The following IRAK1BP1 variants were observed in gnomAD, a reference collection of about 807,000 sequenced individuals.
IRAK1BP1 encodes the protein interleukin-1 receptor-associated kinase 1-binding protein 1.
IRAK1BP1 carries 24 observed loss-of-function variants against 28.0 expected under a neutral mutation model. The ratio of observed to expected loss-of-function variants is 0.86; its 90% CI spans 0.62 to 1.20. The LOEUF (loss-of-function observed/expected upper bound fraction) is 1.20. Among genes scored for constraint, IRAK1BP1 ranks in the 50% most tolerant of loss-of-function variants. IRAK1BP1 has a pLI of 0.00. For missense variants in IRAK1BP1, 336 were observed against 316.7 expected (o/e 1.06, Z -0.46); for synonymous variants, 131 against 116.3 (o/e 1.13, Z -0.81).
At chr6:78,903,135 A>G, downstream of IRAK1BP1, 1 of 1,185,458 alleles carries the variant, frequency 8.4e-7, no homozygotes, top group Non-Finnish European at 1.2e-6. Flanking sequence ...TATAAGAGTG[A>G]GAAAAAGAAG....
At chr6:78,875,790 G>A (rs1440342106) in intron 1 of IRAK1BP1, among the ~76,000 whole-genome samples, 1 of 152,078 alleles carries the variant, frequency 6.6e-6, no homozygotes, top group Non-Finnish European at 1.5e-5. Context: ...AACGGGATCA[G>A]TTGTACCCCA....
chr6:78,945,476 T>C, exon 5 of IRAK1BP1: 1 of 1,607,828 alleles, frequency 6.2e-7, no homozygotes, highest in Non-Finnish European at 8.5e-7. Context: ...AGCTTTGGAA[T>C]GTTTCACAGA....
At chr6:78,961,135 T>C in the IRAK1BP1 span, among the ~76,000 whole-genome samples, 4 of 152,206 alleles carry the variant, frequency 2.6e-5, no homozygotes, top group African/African-American at 9.6e-5. Context: ...ACCTAGATAA[T>C]GCAAATTAAT....
At chr6:78,888,667 G>T (rs1244025359) in intron 2 of IRAK1BP1, among the ~76,000 whole-genome samples, 1 of 151,780 alleles carries the variant, frequency 6.6e-6, no homozygotes, top group Admixed American at 6.6e-5. Flanking sequence ...ACAGGCACCT[G>T]GCTAATTTTT....
the IRAK1BP1 span, chr6:78,970,309 A>G: frequency 1.5e-6 from 1 of 669,076 alleles, no homozygotes; most frequent in Non-Finnish European, 2.5e-6. Flanking sequence ...GTAAAAATTC[A>G]CTGAGCTCTG....
the IRAK1BP1 span, chr6:78,969,790 A>T: frequency 1.1e-6 from 1 of 932,184 alleles, no homozygotes; most frequent in Non-Finnish European, 1.6e-6. Flanking sequence ...TACTAAGAAA[A>T]AAAAACCACA....
rs998497946 is a variant in IRAK1BP1, at chr6:78,867,775, C to G, written c.199C>G (p.Arg67Gly). The change falls in exon 1 of 4, where the codon CGG becomes GGG. Residue 67 changes from arginine to glycine, a missense_variant. Physicochemically the swap from Arg to Gly is moderately radical, Grantham distance 125. Coordinates refer to ENST00000369940, the MANE Select transcript of IRAK1BP1 (RefSeq NM_001010844.4). ...CTCAGAAGTGTCTGCGGGCCCTGAC[C>G]GGGCGCAGGTGGTGGTGCGAGTGAG... ...GTSEVSAGPDRAQVVVRVSST... is the reference protein window; with the variant it reads ...GTSEVSAGPDGAQVVVRVSST... The G allele has an allele frequency of 3.2e-5, 51 of 1,613,998 alleles. No individual in the cohort carries two copies. The highest frequency in any genetic ancestry group is 4.3e-5 in the Non-Finnish European group (51 of 1,179,964).
At chr6:78,894,742 A>G (rs760501385) in intron 2 of IRAK1BP1, among the ~76,000 whole-genome samples, 5 of 152,166 alleles carry the variant, frequency 3.3e-5, no homozygotes, top group Non-Finnish European at 7.4e-5. Context: ...AGAACACTCC[A>G]AAAACAGCAG....
chr6:78,874,318 G>A (rs1265173556), intron 1 of IRAK1BP1, among the ~76,000 whole-genome samples: 2 of 152,074 alleles, frequency 1.3e-5, no homozygotes, highest in Non-Finnish European at 2.9e-5. Context: ...AACCTATTAC[G>A]GCTTACCCTG....
chr6:78,955,236 C>T, the IRAK1BP1 span: 1 of 1,604,194 alleles, frequency 6.2e-7, no homozygotes, highest in Admixed American at 1.7e-5. Context: ...TATTACCTTC[C>T]TTTTTCGAGT....
chr6:78,910,245 C>T (rs540012348), intron 4 of IRAK1BP1, among the ~76,000 whole-genome samples: 2 of 152,124 alleles, frequency 1.3e-5, no homozygotes, highest in African/African-American at 4.8e-5. Context: ...CTAGGGAGGA[C>T]GGGCGAGGGC....
chr6:78,978,557 G>C, the IRAK1BP1 span: 1 of 1,531,738 alleles, frequency 6.5e-7, no homozygotes, highest in Admixed American at 1.8e-5. Flanking sequence ...AAAACTATGT[G>C]AGGAAAAATG....
At chr6:78,962,261 AAC>A in the IRAK1BP1 span, among the ~76,000 whole-genome samples, 2 of 152,272 alleles carry the variant, frequency 1.3e-5, no homozygotes, top group South Asian at 4.1e-4. Context: ...GAGAAAAGGA[AAC>A]AGACCCAGAA....
intron 2 of IRAK1BP1, among the ~76,000 whole-genome samples, chr6:78,890,547 A>G (rs1771611656): frequency 6.6e-6 from 1 of 152,194 alleles, no homozygotes; most frequent in Non-Finnish European, 1.5e-5. Context: ...GCCCAGCGCA[A>G]TGAACAACAA....
intron 4 of IRAK1BP1, among the ~76,000 whole-genome samples, chr6:78,919,122 G>A (rs1174309249): frequency 6.6e-6 from 1 of 152,042 alleles, no homozygotes; most frequent in Non-Finnish European, 1.5e-5. Context: ...CAAAATTAAA[G>A]CAGAAATTTA....
chr6:78,979,045 T>C, the IRAK1BP1 span, among the ~76,000 whole-genome samples: 658 of 152,266 alleles, frequency 4.3e-3, 2 homozygotes, highest in African/African-American at 0.014. Context: ...ACTTAAAGTA[T>C]ATAGGAGACT....
the IRAK1BP1 span, among the ~76,000 whole-genome samples, chr6:78,951,626 T>A: frequency 6.6e-6 from 1 of 152,358 alleles, no homozygotes; most frequent in South Asian, 2.1e-4. Context: ...TACATTTTTC[T>A]TATTTCTACT....
intron 1 of IRAK1BP1, 102 bp downstream of exon 1, chr6:78,867,993 G>C: frequency 1.6e-6 from 2 of 1,276,900 alleles, no homozygotes; most frequent in Admixed American, 2.9e-5. Flanking sequence ...AGATGTGGAG[G>C]GTCTGGAGCG....
At chr6:78,932,360 T>C (rs973362576) in intron 4 of IRAK1BP1, among the ~76,000 whole-genome samples, 2 of 152,120 alleles carry the variant, frequency 1.3e-5, no homozygotes, top group Admixed American at 1.3e-4. Flanking sequence ...TTTGACCAGA[T>C]TCCTCAGAGG....
Sources: allele counts gnomAD v4.1 joint callset (sites outside exome capture counted in the v4.1 genomes callset), GRCh38; gene constraint gnomAD v4.1.1; transcripts MANE v1.5; gene names NCBI Gene and HGNC (gene_info 2026-07-23, HGNC 2026-07-21).